Variants in CADM1 observed in about 807,000 individuals in gnomAD.
CADM1 encodes the protein cell adhesion molecule 1.
Under a neutral mutation model 53.1 loss-of-function variants are expected in CADM1, and 15 were observed. That is an observed-to-expected ratio of 0.28 (90% CI 0.19 to 0.44). The LOEUF (loss-of-function observed/expected upper bound fraction) is 0.44. CADM1 is among the 20% of genes least tolerant of loss of function. The probability of loss-of-function intolerance (pLI) is 1.00; values close to 1 mark genes in which losing one functional copy is unlikely to be tolerated. For missense variants in CADM1, 434 were observed against 611.3 expected (o/e 0.71, Z 3.06); for synonymous variants, 281 against 243.0 (o/e 1.16, Z -1.45).
At chr11:115,383,497 T>C (rs1946627338) in intron 1 of CADM1, among the ~76,000 whole-genome samples, 1 of 152,222 alleles carries the variant, frequency 6.6e-6, no homozygotes, top group Admixed American at 6.5e-5. Flanking sequence ...ATCACAAAAA[T>C]CACTGTCATA....
Position 115,398,220 on chromosome 11 carries a change from A to C in CADM1, c.124+106051T>G, listed in dbSNP as rs937551883. Among the ~76,000 whole-genome samples the C allele has an allele frequency of 2.0e-5, 3 of 152,244 alleles. No homozygotes were observed. The East Asian group carries it at 5.8e-4, about 29-fold the overall frequency. ...TGCCATCCAAATTAACTGGTCGTGA[A>C]TAGGCTCTGATTAAAATATAAAAGG... On this transcript the variant is annotated intron_variant, in intron 1 of 11. Coordinates refer to ENST00000331581, the MANE Select transcript of CADM1 (RefSeq NM_001301043.2).
At chr11:115,444,170 T>C (rs1427067182) in intron 1 of CADM1, among the ~76,000 whole-genome samples, 4 of 151,714 alleles carry the variant, frequency 2.6e-5, no homozygotes, top group Non-Finnish European at 4.4e-5. Context: ...CACTCAGCGA[T>C]AAAAAGAAAA....
chr11:115,371,824 A>AG (rs397714992), intron 1 of CADM1, among the ~76,000 whole-genome samples: 24 of 108 alleles, frequency 0.22, no homozygotes, highest in Non-Finnish European at 0.34. Context: ...TTTTTTAAGT[A>AG]GACCCAACTA....
chr11:115,461,444 T>C (rs1334024553), intron 1 of CADM1, among the ~76,000 whole-genome samples: 1 of 152,118 alleles, frequency 6.6e-6, no homozygotes, highest in Non-Finnish European at 1.5e-5. Flanking sequence ...TAACGGGGAA[T>C]GGTATAGACC....
At chr11:115,225,335 T>A (rs981797866) in intron 5 of CADM1, among the ~76,000 whole-genome samples, 1 of 151,998 alleles carries the variant, frequency 6.6e-6, no homozygotes, top group South Asian at 2.1e-4. Flanking sequence ...TTTAATTCAC[T>A]GATTCTGAAG....
chr11:115,245,097 T>G (rs1451384494), intron 1 of CADM1, among the ~76,000 whole-genome samples: 2 of 152,206 alleles, frequency 1.3e-5, no homozygotes, highest in Non-Finnish European at 2.9e-5. Flanking sequence ...CGTAAACTGT[T>G]ACTGACATAG....
rs531742900 is a variant in CADM1, at chr11:115,245,741, C to T, written c.125-5321G>A. ...AAAAATCTTTCTAACTACGTATGTT[C>T]CCCCAAGTCAACGTAAACACAGTGT... On this transcript the variant is annotated intron_variant, in intron 1 of 11. Transcript: ENST00000331581. 3.9e-5 allele frequency among the ~76,000 whole-genome samples: 6 copies of T among 152,274 alleles called. No individual in the cohort carries two copies. The South Asian group carries it at 1.0e-3, about 26-fold the overall frequency.
At chr11:115,494,067 A>T (rs186373967) in intron 1 of CADM1, among the ~76,000 whole-genome samples, 1 of 152,288 alleles carries the variant, frequency 6.6e-6, no homozygotes, top group Admixed American at 6.5e-5. Context: ...TGAAGTATTC[A>T]TCATGATGCA....
rs1939013416 is a variant in CADM1, at chr11:115,176,078, T to C, written c.*396A>G. On this transcript the variant is annotated 3_prime_UTR_variant, in exon 12 of 12. Transcript: ENST00000331581. The stretch of plus-strand genomic sequence containing the variant: ...GAATCCCAGCAGGCAAATTCCAAAA[T>C]GGGAGATTTTGGAAAAAATCCGAAA... 3.7e-6 allele frequency: 4 copies of C among 1,079,404 alleles called. No homozygotes were observed. The highest frequency in any genetic ancestry group is 4.5e-6 in the Non-Finnish European group (4 of 886,670). 66.9% of individuals were successfully genotyped at this position (1,079,404 alleles called of 1,614,324 possible). A position where few individuals can be genotyped will look rare whatever the true frequency, so the allele number is the denominator to read the frequency against.
intron 1 of CADM1, among the ~76,000 whole-genome samples, chr11:115,336,323 AAC>A (rs1242505622): frequency 6.6e-6 from 1 of 152,168 alleles, no homozygotes; most frequent in Non-Finnish European, 1.5e-5. Context: ...GTATTATGAG[AAC>A]AGTTTTCATC....
intron 6 of CADM1, 30 bp downstream of exon 6, chr11:115,217,862 C>A: frequency 7.1e-7 from 1 of 1,417,670 alleles, no homozygotes; most frequent in South Asian, 1.1e-5. Flanking sequence ...TGCGCATGAC[C>A]CTCTGCCAAC....
At chr11:115,176,680 A>C (rs1038387169) in intron 11 of CADM1, 88 bp from the exon 12 acceptor site, 2 of 1,095,114 alleles carry the variant, frequency 1.8e-6, no homozygotes, top group Middle Eastern at 2.0e-4. Flanking sequence ...TATGGCCATC[A>C]TCAGCCGAAG....
chr11:115,215,291 CTGTT>C, intron 6 of CADM1, among the ~76,000 whole-genome samples: 1 of 152,188 alleles, frequency 6.6e-6, no homozygotes, highest in Non-Finnish European at 1.5e-5. Flanking sequence ...TCTTGGGCCT[CTGTT>C]TGAAAAACCA....
chr11:115,283,038 A>G (rs1365598555), intron 1 of CADM1, among the ~76,000 whole-genome samples: 1 of 152,188 alleles, frequency 6.6e-6, no homozygotes, highest in African/African-American at 2.4e-5. Context: ...ACAGCCATGA[A>G]CAGCTTTTAT....
At chr11:115,490,839 C>G (rs564338401) in intron 1 of CADM1, among the ~76,000 whole-genome samples, 1 of 152,120 alleles carries the variant, frequency 6.6e-6, no homozygotes, top group African/African-American at 2.4e-5. Flanking sequence ...GACAAGGGAC[C>G]TATTACTGTC....
At chr11:115,374,459 T>G (rs758379274) in intron 1 of CADM1, among the ~76,000 whole-genome samples, 14 of 152,172 alleles carry the variant, frequency 9.2e-5, no homozygotes, top group Non-Finnish European at 1.8e-4. Flanking sequence ...ATATTGCACT[T>G]AAGTTAAATG....
intron 3 of CADM1, among the ~76,000 whole-genome samples, chr11:115,236,249 T>C (rs907341366): frequency 7.2e-5 from 11 of 152,202 alleles, no homozygotes; most frequent in Admixed American, 2.0e-4. Context: ...TCTTCATTCA[T>C]TGTAATATCT....
chr11:115,340,535 A>T (rs1269107895), intron 1 of CADM1, among the ~76,000 whole-genome samples: 4 of 146,576 alleles, frequency 2.7e-5, no homozygotes, highest in Non-Finnish European at 4.5e-5. Flanking sequence ...AAAAAAAAAA[A>T]GCCAGGTCAT....
intron 8 of CADM1, among the ~76,000 whole-genome samples, chr11:115,208,807 C>A (rs1940815598): frequency 6.6e-6 from 1 of 152,154 alleles, no homozygotes; most frequent in Non-Finnish European, 1.5e-5. Flanking sequence ...AGACAAGCCA[C>A]ATCAAGCAGT....
Sources: allele counts gnomAD v4.1 joint callset (sites outside exome capture counted in the v4.1 genomes callset), GRCh38; gene constraint gnomAD v4.1.1; transcripts MANE v1.5; gene names NCBI Gene and HGNC (gene_info 2026-07-23, HGNC 2026-07-21).